Variants in ARHGEF18 observed in about 807,000 individuals in gnomAD.
ARHGEF18 encodes rho guanine nucleotide exchange factor 18.
A neutral mutation model predicts 155.7 loss-of-function variants in ARHGEF18; 93 were observed. That is an observed-to-expected ratio of 0.60 (90% CI 0.50 to 0.71). The LOEUF (loss-of-function observed/expected upper bound fraction) is 0.71, where lower values mean the gene tolerates loss of function less well. Among genes scored for constraint, ARHGEF18 ranks in the 30% least tolerant of loss-of-function variants. ARHGEF18 has a pLI of 0.00. For synonymous variants in ARHGEF18, 742 were observed against 753.1 expected (o/e 0.99, Z 0.24); for missense variants, 1,593 against 1,816.1 (o/e 0.88, Z 2.23).
At chr19:7,453,813 C>T (rs1182682358) in intron 17 of ARHGEF18, 98 bp downstream of exon 17, 1 of 1,412,836 alleles carries the variant, frequency 7.1e-7, no homozygotes, top group Non-Finnish European at 9.3e-7. Context: ...GTGGCACCAT[C>T]TTGTATCAGT....
chr19:7,414,036 C>T (rs570095514), intron 10 of ARHGEF18, among the ~76,000 whole-genome samples: 2 of 152,194 alleles, frequency 1.3e-5, no homozygotes, highest in African/African-American at 2.4e-5. Flanking sequence ...GATTCCTGCG[C>T]GTGGGTCTAA....
At chr19:7,478,528 G>T in the ARHGEF18 span, 2 of 786,946 alleles carry the variant, frequency 2.5e-6, no homozygotes, top group South Asian at 1.6e-5. Context: ...ACACCCTCCT[G>T]GCTGTGCCTC....
rs1568285790 is a variant in ARHGEF18, at chr19:7,385,870, TCCCCCCTCC to T, written c.967+2669_967+2677del. Among the ~76,000 whole-genome samples, 288 of 29,510 alleles carry T rather than the reference TCCCCCCTCC, an allele frequency of 9.8e-3. 17 individuals are homozygous for T. The highest frequency in any genetic ancestry group is 0.034 in the African/African-American group (178 of 5,258). 19.4% of individuals were successfully genotyped at this position (29,510 alleles called of 152,430 possible). A position where few individuals can be genotyped will look rare whatever the true frequency, so the allele number is the denominator to read the frequency against. On this transcript the variant is annotated intron_variant, in intron 10 of 28. Coordinates refer to ENST00000668164, the MANE Select transcript of ARHGEF18 (RefSeq NM_001367823.1). ...CTCTCTCTCTCTCTCTCTCTCTCTC[TCCCCCCTCC>T]CTCTCTCCCTCCCTCCCTCTCTCTC...
intron 10 of ARHGEF18, among the ~76,000 whole-genome samples, chr19:7,391,328 G>A (rs1334817163): frequency 6.6e-6 from 1 of 152,180 alleles, no homozygotes; most frequent in African/African-American, 2.4e-5. Flanking sequence ...AACAGAGAAT[G>A]AGTCATACTC....
chr19:7,419,381 C>T (rs1223652163), intron 10 of ARHGEF18, among the ~76,000 whole-genome samples: 2 of 151,476 alleles, frequency 1.3e-5, no homozygotes, highest in African/African-American at 4.9e-5. Flanking sequence ...GCCCCCTGCA[C>T]CCAGATGCAC....
At chr19:7,362,023 G>GAGA (rs1969588427) in intron 1 of ARHGEF18, among the ~76,000 whole-genome samples, 1 of 48,038 alleles carries the variant, frequency 2.1e-5, no homozygotes, top group South Asian at 7.7e-4. Context: ...GAAGGAGAAG[G>GAGA]AGAAGGAGAA....
intron 3 of ARHGEF18, among the ~76,000 whole-genome samples, chr19:7,374,603 A>T (rs1970347354): frequency 6.6e-6 from 1 of 151,016 alleles, no homozygotes; most frequent in South Asian, 2.1e-4. Context: ...GCTTGAACCC[A>T]GGAGACAGAG....
In ARHGEF18 at chr19:7,444,292, C is replaced by G; in HGVS notation, c.1449C>G (p.Phe483Leu). ...YSRALQEELQ[F>L]SSKAIGRLFP... ...GGGCCCTGCAGGAGGAGCTGCAGTT[C>G]AGCAGCAAGGCCATTGGCCGCCTCT... The change falls in exon 14 of 29, where the codon TTC becomes TTG. Residue 483 changes from phenylalanine to leucine, a missense_variant. Coordinates refer to ENST00000668164, the MANE Select transcript of ARHGEF18 (RefSeq NM_001367823.1). This position sits in a 1 kb window ranked among gnomAD's most constrained non-coding sequence, Gnocchi z 4.7. 1 of 1,613,688 alleles carries G rather than the reference C, an allele frequency of 6.2e-7. No homozygotes were observed.
intron 10 of ARHGEF18, among the ~76,000 whole-genome samples, chr19:7,407,463 G>A (rs1024261434): frequency 1.3e-5 from 2 of 151,274 alleles, no homozygotes; most frequent in Non-Finnish European, 2.9e-5. Flanking sequence ...TTTGCTACTT[G>A]TTTGTGGCCT....
chr19:7,443,055 ATTTTTTTTTTTT>A (rs10600280), intron 13 of ARHGEF18, among the ~76,000 whole-genome samples: 1 of 81,184 alleles, frequency 1.2e-5, no homozygotes, highest in East Asian at 3.7e-4. Flanking sequence ...TGCCCAGCTA[ATTTTTTTTTTTT>A]TTTTTTTTTT....
intron 2 of ARHGEF18, among the ~76,000 whole-genome samples, chr19:7,364,365 A>AAAGGAAGG (rs752918785): frequency 0.047 from 5,324 of 112,840 alleles, 434 homozygotes; most frequent in African/African-American, 0.17. Flanking sequence ...GGAGGGAAGG[A>AAAGGAAGG]AAGGAAGGAA....
chr19:7,396,151 A>T (rs1600287055), intron 10 of ARHGEF18, among the ~76,000 whole-genome samples: 1 of 152,182 alleles, frequency 6.6e-6, no homozygotes, highest in Admixed American at 6.5e-5. Flanking sequence ...TGCTGTGGCT[A>T]TCTGCCCCTT....
intron 8 of ARHGEF18, among the ~76,000 whole-genome samples, chr19:7,381,820 T>A (rs1009471581): frequency 2.6e-4 from 39 of 152,242 alleles, no homozygotes; most frequent in African/African-American, 8.9e-4. Context: ...GGTCCCTGAA[T>A]CCCTCTCTCT....
chr19:7,473,403 C>T (rs1422969540), downstream of ARHGEF18: 6 of 410,888 alleles, frequency 1.5e-5, no homozygotes, highest in African/African-American at 1.2e-4. Context: ...TGGCTCATCC[C>T]TGTAATCCCA....
intron 10 of ARHGEF18, among the ~76,000 whole-genome samples, chr19:7,406,039 C>T (rs1972286840): frequency 6.6e-6 from 1 of 152,070 alleles, no homozygotes; most frequent in South Asian, 2.1e-4. Context: ...CAGTTAATTG[C>T]AGAGAGGAAA....
chr19:7,387,441 C>T (rs1184059561), intron 10 of ARHGEF18, among the ~76,000 whole-genome samples: 1 of 152,124 alleles, frequency 6.6e-6, no homozygotes, highest in African/African-American at 2.4e-5. Flanking sequence ...CGTGAGCCAC[C>T]GCGCCCAGCG....
chr19:7,455,877 C>T (rs774848588), intron 17 of ARHGEF18, among the ~76,000 whole-genome samples: 1 of 152,308 alleles, frequency 6.6e-6, no homozygotes, highest in Middle Eastern at 3.4e-3. Flanking sequence ...TTGTGAGACT[C>T]ATTCACTATC....
chr19:7,381,071 A>G (rs1018311442), intron 8 of ARHGEF18, 77 bp downstream of exon 8: 33 of 1,122,728 alleles, frequency 2.9e-5, no homozygotes, highest in Non-Finnish European at 3.5e-5. Flanking sequence ...TTTGGGCCAG[A>G]CCCCCCATGC....
At chr19:7,353,248 C>T (rs539931002) in intron 1 of ARHGEF18, among the ~76,000 whole-genome samples, 4 of 152,052 alleles carry the variant, frequency 2.6e-5, no homozygotes, top group Admixed American at 6.5e-5. Context: ...TCTATTTGTT[C>T]TTGGTGGGAG....
Sources: gnomAD v4.1 joint callset for allele counts (sites outside exome capture counted in the v4.1 genomes callset) on GRCh38, gnomAD v4.1.1 for gene constraint, Gnocchi (gnomAD v3.1) non-coding constraint, MANE v1.5 for transcripts, NCBI Gene and HGNC (gene_info 2026-07-23, HGNC 2026-07-21) for gene names.